MRPL3: variants seen among roughly 807,000 people sequenced by gnomAD.
The protein encoded by MRPL3 is mitochondrial ribosomal protein L3, also known as large ribosomal subunit protein uL3m.
Under a neutral mutation model 44.3 loss-of-function variants are expected in MRPL3, and 43 were observed. That is an observed-to-expected ratio of 0.97 (90% CI 0.76 to 1.25). MRPL3 has a LOEUF of 1.25. Among genes scored for constraint, MRPL3 ranks in the 50% most tolerant of loss-of-function variants. The pLI is 0.00. For synonymous variants in MRPL3, 171 were observed against 152.3 expected (o/e 1.12, Z -0.91); for missense variants, 406 against 427.6 (o/e 0.95, Z 0.45).
intron 6 of MRPL3, among the ~76,000 whole-genome samples, chr3:131,482,636 T>G (rs188758490): frequency 6.6e-6 from 1 of 152,178 alleles, no homozygotes; most frequent in East Asian, 1.9e-4. Flanking sequence ...GTAAGATTAT[T>G]CCTGAAAATA....
At position 131,493,794 on chromosome 3, in the gene MRPL3, C is replaced by A. The variant is rs191930718; in HGVS notation, c.469-3714G>T. Among the ~76,000 whole-genome samples, 73 of 152,240 alleles carry A rather than the reference C, an allele frequency of 4.8e-4. No individual in the cohort carries two copies. The Middle Eastern group carries it at 0.01, about 21-fold the overall frequency. ...AAATCAGCAAGAAACTATTATAAAACCAAACCAATAGTAATTGTAATTTTC... is the reference window on the plus strand; with the variant it reads ...AAATCAGCAAGAAACTATTATAAAAACAAACCAATAGTAATTGTAATTTTC... On this transcript the variant is annotated intron_variant, in intron 4 of 9. Coordinates refer to ENST00000264995, the MANE Select transcript of MRPL3 (RefSeq NM_007208.4).
intron 5 of MRPL3, 86 bp downstream of exon 5, chr3:131,489,895 G>T: frequency 2.7e-6 from 2 of 734,000 alleles, no homozygotes; most frequent in South Asian, 1.6e-5. Context: ...TTGCATTTTA[G>T]ATGTAGCTTT....
chr3:131,480,225 C>G (rs969556183), intron 6 of MRPL3, among the ~76,000 whole-genome samples: 4 of 152,192 alleles, frequency 2.6e-5, no homozygotes, highest in African/African-American at 9.7e-5. Context: ...CACATAGCAT[C>G]TCTACTGAAG....
At chr3:131,474,873 G>A (rs1933822160) in intron 6 of MRPL3, among the ~76,000 whole-genome samples, 1 of 151,056 alleles carries the variant, frequency 6.6e-6, no homozygotes, top group Non-Finnish European at 1.5e-5. Context: ...CTGGGCTCAA[G>A]CAATCCTCCT....
Position 131,464,317 on chromosome 3 carries a change from G to A in MRPL3, c.895-1442C>T, listed in dbSNP as rs186679073. Among the ~76,000 whole-genome samples, 28 of 152,168 alleles carry A rather than the reference G, an allele frequency of 1.8e-4. 1 individual carries two copies. The highest frequency in any genetic ancestry group is 1.7e-3 in the East Asian group (9 of 5,178). On this transcript the variant is annotated intron_variant, in intron 9 of 9. Coordinates refer to ENST00000264995, the MANE Select transcript of MRPL3 (RefSeq NM_007208.4). ...ATACCTGAGAAATATTTTAGACGAC[G>A]GAATCACTGTTTGTAAAATCTAAGT...
At chr3:131,492,948 C>T (rs1559830182) in intron 4 of MRPL3, among the ~76,000 whole-genome samples, 3 of 152,192 alleles carry the variant, frequency 2.0e-5, no homozygotes. Context: ...ATTCTTAAGA[C>T]TCGATATAGA....
intron 6 of MRPL3, among the ~76,000 whole-genome samples, chr3:131,477,095 C>T (rs1277976694): frequency 6.6e-6 from 1 of 152,168 alleles, no homozygotes; most frequent in African/African-American, 2.4e-5. Context: ...TGACAAATGC[C>T]TACCAAGAGA....
intron 2 of MRPL3, among the ~76,000 whole-genome samples, chr3:131,500,929 T>C (rs575781378): frequency 1.3e-5 from 2 of 152,334 alleles, no homozygotes; most frequent in African/African-American, 4.8e-5. Flanking sequence ...CCACAACTGG[T>C]CATACATTGC....
chr3:131,463,735 T>C (rs547782940), intron 9 of MRPL3, among the ~76,000 whole-genome samples: 28 of 152,282 alleles, frequency 1.8e-4, no homozygotes, highest in African/African-American at 6.3e-4. Flanking sequence ...ATTCACAGAC[T>C]GAAGAATTTT....
chr3:131,473,375 T>C (rs1447450343), intron 6 of MRPL3, among the ~76,000 whole-genome samples: 4 of 151,058 alleles, frequency 2.6e-5, no homozygotes, highest in Non-Finnish European at 5.9e-5. Flanking sequence ...GTTAGACCCC[T>C]CTCTCTCACC....
intron 6 of MRPL3, among the ~76,000 whole-genome samples, chr3:131,473,681 C>T (rs558151918): frequency 6.6e-6 from 1 of 151,618 alleles, no homozygotes; most frequent in African/African-American, 2.4e-5. Context: ...TGCAAAAAAA[C>T]CTAAAATAAC....
chr3:131,492,517 C>T (rs569367599), intron 4 of MRPL3, among the ~76,000 whole-genome samples: 133 of 152,268 alleles, frequency 8.7e-4, no homozygotes, highest in Middle Eastern at 3.4e-3. Flanking sequence ...CTAGATCCCT[C>T]GCACACACAG....
intron 9 of MRPL3, among the ~76,000 whole-genome samples, chr3:131,465,764 C>T (rs1454632938): frequency 6.6e-6 from 1 of 152,110 alleles, no homozygotes; most frequent in Non-Finnish European, 1.5e-5. Context: ...CTGGCTTCAA[C>T]TATCTGTCAT....
chr3:131,486,387 A>C (rs1240057762), intron 6 of MRPL3, among the ~76,000 whole-genome samples: 19 of 149,120 alleles, frequency 1.3e-4, no homozygotes, highest in African/African-American at 4.6e-4. Context: ...AAAAAAAAAA[A>C]AAAACCAAAA....
At chr3:131,493,248 G>A (rs777446842) in intron 4 of MRPL3, among the ~76,000 whole-genome samples, 19 of 152,138 alleles carry the variant, frequency 1.2e-4, no homozygotes, top group Non-Finnish European at 2.2e-4. Flanking sequence ...ATCTGTGTTC[G>A]TTTTATTCTG....
At chr3:131,469,166 T>A (rs1055935023) in intron 8 of MRPL3, among the ~76,000 whole-genome samples, 2 of 152,026 alleles carry the variant, frequency 1.3e-5, no homozygotes, top group East Asian at 3.9e-4. Context: ...ATAATCCTTT[T>A]GTAGTGCTAT....
intron 4 of MRPL3, 195 bp downstream of exon 4, chr3:131,497,984 A>C (rs1934404688): frequency 1.7e-6 from 1 of 579,516 alleles, no homozygotes. Context: ...ATACAGGGAG[A>C]GGTATTAGAA....
chr3:131,467,584 G>C (rs1933640094), intron 9 of MRPL3, among the ~76,000 whole-genome samples: 1 of 152,004 alleles, frequency 6.6e-6, no homozygotes, highest in South Asian at 2.1e-4. Context: ...GTTTAAAAAT[G>C]TGTAGCACCT....
At chr3:131,479,660 A>G (rs1044452954) in intron 6 of MRPL3, among the ~76,000 whole-genome samples, 1 of 152,164 alleles carries the variant, frequency 6.6e-6, no homozygotes, top group East Asian at 1.9e-4. Flanking sequence ...CCTGGATAAC[A>G]CGGTGAAACC....
Sources: gnomAD v4.1 joint callset for allele counts (sites outside exome capture counted in the v4.1 genomes callset) on GRCh38, gnomAD v4.1.1 for gene constraint, MANE v1.5 for transcripts, NCBI Gene and HGNC (gene_info 2026-07-23, HGNC 2026-07-21) for gene names.